The following RIMBP2 variants were observed in gnomAD, a reference collection of about 807,000 sequenced individuals.
RIMBP2 encodes RIMS binding protein 2.
In RIMBP2, 48 loss-of-function variants were observed where a neutral mutation model predicts 118.6. The ratio of observed to expected loss-of-function variants is 0.40; its 90% CI spans 0.32 to 0.51. The LOEUF (loss-of-function observed/expected upper bound fraction) is 0.51, where lower values mean the gene tolerates loss of function less well. Ranked by LOEUF, RIMBP2 falls within the 20% of genes least tolerant of loss-of-function variation. The pLI, the probability that RIMBP2 is intolerant of heterozygous loss-of-function variation, is 0.41. For missense variants in RIMBP2, 1,551 were observed against 1,768.3 expected (o/e 0.88, Z 2.20); for synonymous variants, 762 against 742.9 (o/e 1.03, Z -0.42).
intron 9 of RIMBP2, 116 bp from the exon 10 acceptor site, chr12:130,445,385 A>C: frequency 1.5e-6 from 1 of 653,832 alleles, no homozygotes; most frequent in Non-Finnish European, 2.6e-6. Flanking sequence ...GGGAATTACA[A>C]ACCCACATAA....
chr12:130,689,262 G>A (rs903538686), intron 1 of RIMBP2, among the ~76,000 whole-genome samples: 7 of 151,974 alleles, frequency 4.6e-5, no homozygotes, highest in East Asian at 3.9e-4. Context: ...GCGAAAACCC[G>A]TCTCTACCAA....
At chr12:130,462,145 C>G (rs1246056302) in intron 6 of RIMBP2, among the ~76,000 whole-genome samples, 1 of 152,166 alleles carries the variant, frequency 6.6e-6, no homozygotes, top group Non-Finnish European at 1.5e-5. Context: ...GGATCAAATG[C>G]CCTCATGGCC....
At chr12:130,517,667 G>A (rs2051618316) in intron 3 of RIMBP2, among the ~76,000 whole-genome samples, 161 bp downstream of exon 3, 1 of 152,158 alleles carries the variant, frequency 6.6e-6, no homozygotes, top group East Asian at 1.9e-4. Flanking sequence ...TGCCTCACGT[G>A]CTGGTCATGT....
At position 130,436,820 on chromosome 12, in the gene RIMBP2, G is replaced by A. The variant is rs200746713; in HGVS notation, c.2106+22C>T. ...GGGGTTTGGGGACTGAGGAGCCACC[G>A]AGGCGGGAGCCCCAGCCTTACCCTG... On this transcript the variant is annotated intron_variant, in intron 13 of 22. Coordinates refer to ENST00000690449, the MANE Select transcript of RIMBP2 (RefSeq NM_001393629.1). 1,628 of 1,372,090 alleles carry A rather than the reference G, an allele frequency of 1.2e-3. 2 individuals are homozygous for A. Among genetic ancestry groups the A allele is most frequent in the Non-Finnish European group, 1.4e-3 (1,467 of 1,061,602 alleles). 85.0% of individuals were successfully genotyped at this position (1,372,090 alleles called of 1,614,324 possible). A position where few individuals can be genotyped will look rare whatever the true frequency, so the allele number is the denominator to read the frequency against.
In RIMBP2 at chr12:130,424,143, A is replaced by G. The variant is rs988231951; in HGVS notation, c.3128T>C (p.Leu1043Pro). The G allele has an allele frequency of 8.1e-7, 1 of 1,228,998 alleles. No individual in the cohort carries two copies. Among genetic ancestry groups the G allele is most frequent in the East Asian group, 3.2e-5 (1 of 31,704 alleles). The allele number at this position is 1,228,998 out of a possible 1,614,324, so 76.1% of individuals were successfully genotyped here. A position where few individuals can be genotyped will look rare whatever the true frequency, so the allele number is the denominator to read the frequency against. The change falls in exon 16 of 23, where the codon CTG becomes CCG. Residue 1043 changes from leucine to proline, a missense_variant and splice_region_variant. Physicochemically the swap from Leu to Pro is moderately conservative, Grantham distance 98. Coordinates refer to ENST00000690449, the MANE Select transcript of RIMBP2 (RefSeq NM_001393629.1). The surrounding 1 kb of genome is among the most constrained non-coding windows in gnomAD (Gnocchi z 9.8). ...KPPPRVAQGP[L>P]ILGNPASAGR... ...GAAAAGGAAGTTTAGGTCACACACCAGGGGGCCTTGTGCGACTCTGGGAGG... is the reference window on the plus strand; with the variant it reads ...GAAAAGGAAGTTTAGGTCACACACCGGGGGGCCTTGTGCGACTCTGGGAGG...
At position 130,703,629 on chromosome 12, in the gene RIMBP2, C is replaced by T. The variant is rs2065963292; in HGVS notation, c.-352+12593G>A. On this transcript the variant is annotated intron_variant, in intron 1 of 22. Coordinates refer to ENST00000690449, the MANE Select transcript of RIMBP2 (RefSeq NM_001393629.1). This position sits in a 1 kb window ranked among gnomAD's most constrained non-coding sequence, Gnocchi z 5.7. ...GCTTTAGCCCTCACGTGACTAGGGG[C>T]CACCGCCTAACCCTGATTAGCGCTC... Among the ~76,000 whole-genome samples the T allele has an allele frequency of 6.6e-6, 1 of 152,190 alleles. No individual in the cohort carries two copies. Among genetic ancestry groups the T allele is most frequent in the East Asian group, 1.9e-4 (1 of 5,174 alleles).
chr12:130,490,916 G>A (rs1328717530), intron 4 of RIMBP2, among the ~76,000 whole-genome samples: 2 of 152,162 alleles, frequency 1.3e-5, no homozygotes, highest in East Asian at 1.9e-4. Context: ...GGTGGGGAGC[G>A]AAGTGGGAAG....
chr12:130,592,131 G>A (rs1294609108), intron 2 of RIMBP2, among the ~76,000 whole-genome samples: 1 of 152,168 alleles, frequency 6.6e-6, no homozygotes, highest in East Asian at 1.9e-4. Context: ...ACAGTCTCAC[G>A]ACTGATTACC....
intron 2 of RIMBP2, among the ~76,000 whole-genome samples, chr12:130,613,398 G>A (rs975779691): frequency 7.9e-5 from 12 of 152,188 alleles, no homozygotes; most frequent in African/African-American, 2.9e-4. Flanking sequence ...GAGAACCTGA[G>A]TGAGGAAGTC....
In RIMBP2 at chr12:130,523,306, C is replaced by T. The variant is rs539951705; in HGVS notation, c.-216-5389G>A. On this transcript the variant is annotated intron_variant, in intron 2 of 22. Coordinates refer to ENST00000690449, the MANE Select transcript of RIMBP2 (RefSeq NM_001393629.1). This position sits in a 1 kb window ranked among gnomAD's most constrained non-coding sequence, Gnocchi z 4.4. ...GCCATCTGCAAGTCAAGAAGCGGCT[C>T]GCACCAGGAACCGAATCAGCCAGCA... 2.8e-4 allele frequency among the ~76,000 whole-genome samples: 42 copies of T among 152,310 alleles called. No individual in the cohort carries two copies. In the South Asian group the frequency reaches 3.7e-3, roughly 14 times the overall value.
At chr12:130,645,249 G>T (rs1050903502) in intron 1 of RIMBP2, among the ~76,000 whole-genome samples, 1 of 152,040 alleles carries the variant, frequency 6.6e-6, no homozygotes, top group Non-Finnish European at 1.5e-5. Flanking sequence ...TGTCCACCAC[G>T]CCTGGCAAAT....
At chr12:130,686,901 C>T (rs2065075661) in intron 1 of RIMBP2, among the ~76,000 whole-genome samples, 1 of 152,196 alleles carries the variant, frequency 6.6e-6, no homozygotes, top group African/African-American at 2.4e-5. Flanking sequence ...GAGAACAGCG[C>T]AAGGCACAGG....
chr12:130,441,125 A>G (rs79695419), intron 11 of RIMBP2, among the ~76,000 whole-genome samples: 2,601 of 152,278 alleles, frequency 0.017, 71 homozygotes, highest in African/African-American at 0.06. Flanking sequence ...CCACGTATGC[A>G]TGCTTAGAGG....
intron 2 of RIMBP2, among the ~76,000 whole-genome samples, chr12:130,544,358 G>A (rs758998864): frequency 2.6e-5 from 4 of 152,172 alleles, no homozygotes; most frequent in Admixed American, 2.0e-4. Context: ...GGACAGGATT[G>A]GTCAGCTGGT....
intron 2 of RIMBP2, among the ~76,000 whole-genome samples, chr12:130,558,376 C>T (rs1263191591): frequency 3.3e-5 from 5 of 152,126 alleles, no homozygotes; most frequent in Non-Finnish European, 7.4e-5. Flanking sequence ...ACAGACACAC[C>T]TCTCTCTGCA....
intron 4 of RIMBP2, among the ~76,000 whole-genome samples, chr12:130,491,407 T>C (rs1190590842): frequency 1.3e-5 from 2 of 152,172 alleles, no homozygotes; most frequent in Non-Finnish European, 2.9e-5. Flanking sequence ...TCTCTCATAT[T>C]TGCGGGATGT....
intron 2 of RIMBP2, among the ~76,000 whole-genome samples, chr12:130,546,117 T>TTTTG (rs1555287425): frequency 6.8e-6 from 1 of 147,894 alleles, no homozygotes; most frequent in African/African-American, 2.5e-5. Flanking sequence ...TTTTTTTTTT[T>TTTTG]GGGATGGAGT....
chr12:130,522,362 G>A (rs1372263693), intron 2 of RIMBP2, among the ~76,000 whole-genome samples: 1 of 152,210 alleles, frequency 6.6e-6, no homozygotes, highest in East Asian at 1.9e-4. Context: ...GAGGTTCGGG[G>A]AACATGGCAA....
chr12:130,404,228 T>C (rs1051434163), intron 21 of RIMBP2, among the ~76,000 whole-genome samples: 5 of 152,196 alleles, frequency 3.3e-5, no homozygotes, highest in Non-Finnish European at 5.9e-5. Context: ...TTTTCCAACA[T>C]GTTTTCTAAA....
Sources: allele counts gnomAD v4.1 joint callset (sites outside exome capture counted in the v4.1 genomes callset), GRCh38; gene constraint gnomAD v4.1.1; non-coding constraint Gnocchi (gnomAD v3.1); transcripts MANE v1.5; gene names NCBI Gene and HGNC (gene_info 2026-07-23, HGNC 2026-07-21).